The following BIRC6 variants were observed in gnomAD, a reference collection of about 807,000 sequenced individuals.
BIRC6 encodes the protein baculoviral IAP repeat containing 6, also known as dual E2 ubiquitin-conjugating enzyme/E3 ubiquitin-protein ligase BIRC6.
In BIRC6, 98 loss-of-function variants were observed where a neutral mutation model predicts 503.3. That is an observed-to-expected ratio of 0.19 (90% CI 0.17 to 0.23). BIRC6 has a LOEUF of 0.23. Among genes scored for constraint, BIRC6 ranks in the 10% least tolerant of loss-of-function variants. The pLI is 1.00. For missense variants in BIRC6, 5,360 were observed against 5,806.0 expected, an observed-to-expected ratio of 0.92 and a Z score of 2.50; for synonymous variants, 2,240 against 2,078.7, an observed-to-expected ratio of 1.08 and a Z score of -2.11.
intron 61 of BIRC6, among the ~76,000 whole-genome samples, chr2:32,539,832 A>C (rs546811601): frequency 5.3e-5 from 8 of 152,242 alleles, no homozygotes; most frequent in Non-Finnish European, 1.2e-4. Flanking sequence ...ATAAAACAAA[A>C]AAATCAAAGA....
chr2:32,403,055 C>T (rs1280600976), intron 8 of BIRC6, among the ~76,000 whole-genome samples: 1 of 152,036 alleles, frequency 6.6e-6, no homozygotes, highest in African/African-American at 2.4e-5. Flanking sequence ...AATCTAGGGT[C>T]GAAGGTCAAT....
chr2:32,537,178 C>T (rs768674547), intron 61 of BIRC6, among the ~76,000 whole-genome samples: 62 of 152,088 alleles, frequency 4.1e-4, no homozygotes, highest in African/African-American at 1.5e-3. Context: ...ATGGGGTTTT[C>T]TAGATATACA....
At chr2:32,517,920 A>G (rs1366439756) in intron 55 of BIRC6, among the ~76,000 whole-genome samples, 1 of 152,084 alleles carries the variant, frequency 6.6e-6, no homozygotes, top group Admixed American at 6.6e-5. Context: ...TTATTTTAAG[A>G]TAACCACACC....
intron 33 of BIRC6, among the ~76,000 whole-genome samples, chr2:32,474,044 C>T (rs2049428856): frequency 6.6e-6 from 1 of 152,000 alleles, no homozygotes; most frequent in African/African-American, 2.4e-5. Flanking sequence ...GTCTGAGCCA[C>T]TGTGTCCGGC....
At chr2:32,574,609 A>C (rs2060138806) in intron 65 of BIRC6, 1 of 159,038 alleles carries the variant, frequency 6.3e-6, no homozygotes, top group African/African-American at 2.4e-5. Context: ...GTGGATCATC[A>C]TAAAAGTCTT....
At chr2:32,601,950 A>G (rs1250424086) in intron 70 of BIRC6, among the ~76,000 whole-genome samples, 6 of 152,234 alleles carry the variant, frequency 3.9e-5, no homozygotes, top group African/African-American at 1.4e-4. Context: ...AATTAAATCA[A>G]GGTCTCTTCT....
chr2:32,448,754 G>T, intron 21 of BIRC6, 41 bp from the exon 22 acceptor site: 1 of 1,576,366 alleles, frequency 6.3e-7, no homozygotes, highest in Non-Finnish European at 8.6e-7. Context: ...TTAATTAGAT[G>T]GCTGAAAGGA....
chr2:32,391,975 TA>T, intron 4 of BIRC6, 63 bp from the exon 5 acceptor site: 1 of 1,111,084 alleles, frequency 9.0e-7, no homozygotes. Flanking sequence ...TTTGCATTGT[TA>T]AATAGAAGTT....
chr2:32,525,395 T>A, intron 58 of BIRC6, 69 bp from the exon 59 acceptor site: 1 of 1,541,448 alleles, frequency 6.5e-7, no homozygotes, highest in Non-Finnish European at 9.0e-7. Flanking sequence ...TTAAAATATT[T>A]TAGGAACACT....
Position 32,432,656 on chromosome 2 carries a change from A to G in BIRC6, c.3249-988A>G, listed in dbSNP as rs138170784. Among the ~76,000 whole-genome samples, 545 of 151,956 alleles carry G rather than the reference A, an allele frequency of 3.6e-3. 3 individuals carry two copies. The highest frequency in any genetic ancestry group is 0.012 in the African/African-American group (488 of 41,432). On this transcript the variant is annotated intron_variant, in intron 12 of 73. Transcript: ENST00000421745. ...GTGCCTGTGGTCCCAGATACTTGGG[A>G]AACTGAGGTGGGAGAATCACTTGAG...
At chr2:32,470,916 T>C in intron 31 of BIRC6, 98 bp from the exon 32 acceptor site, 1 of 1,257,530 alleles carries the variant, frequency 8.0e-7, no homozygotes, top group Non-Finnish European at 1.1e-6. Context: ...AGATATGTTT[T>C]GGATTTATAG....
intron 39 of BIRC6, 30 bp downstream of exon 39, chr2:32,482,612 T>A (rs779051946): frequency 3.1e-6 from 5 of 1,608,334 alleles, no homozygotes; most frequent in Non-Finnish European, 4.3e-6. Flanking sequence ...TTAAGACATA[T>A]GCTATTCTTA....
intron 1 of BIRC6, among the ~76,000 whole-genome samples, chr2:32,364,573 T>C (rs1046206370): frequency 3.9e-5 from 6 of 152,162 alleles, no homozygotes; most frequent in African/African-American, 1.4e-4. Context: ...CACTCCAGTT[T>C]TACATTTCTT....
At chr2:32,598,313 C>G (rs544084896) in intron 69 of BIRC6, among the ~76,000 whole-genome samples, 13 of 152,162 alleles carry the variant, frequency 8.5e-5, no homozygotes, top group African/African-American at 3.1e-4. Flanking sequence ...CATCCTTGAG[C>G]AAAGATTGTG....
At chr2:32,518,732 A>G in intron 56 of BIRC6, 85 bp from the exon 57 acceptor site, 1 of 1,420,556 alleles carries the variant, frequency 7.0e-7, no homozygotes, top group South Asian at 1.3e-5. Context: ...TGAGTATTTT[A>G]TTCTTAGATG....
chr2:32,612,590 G>GTC (rs1399149235), intron 73 of BIRC6, among the ~76,000 whole-genome samples: 2 of 152,156 alleles, frequency 1.3e-5, no homozygotes, highest in Non-Finnish European at 2.9e-5. Context: ...TTTTTAAAAA[G>GTC]ATCCCTATCT....
At chr2:32,380,831 A>C (rs139414993) in intron 3 of BIRC6, among the ~76,000 whole-genome samples, 316 of 152,270 alleles carry the variant, frequency 2.1e-3, no homozygotes, top group African/African-American at 7.2e-3. Context: ...TGCTTCCTTA[A>C]ATCTTTCTTA....
intron 12 of BIRC6, among the ~76,000 whole-genome samples, chr2:32,431,320 C>G (rs1045893577): frequency 3.4e-5 from 5 of 148,146 alleles, no homozygotes; most frequent in African/African-American, 1.2e-4. Context: ...CTCAGCCTCT[C>G]AAGTAGCTGG....
chr2:32,592,957 C>G (rs1410108085), intron 66 of BIRC6, among the ~76,000 whole-genome samples: 1 of 152,148 alleles, frequency 6.6e-6, no homozygotes, highest in Admixed American at 6.5e-5. Flanking sequence ...GCTCCATGAC[C>G]ACTTTGCGAG....
Sources: gnomAD v4.1 joint callset for allele counts (sites outside exome capture counted in the v4.1 genomes callset) on GRCh38, gnomAD v4.1.1 for gene constraint, MANE v1.5 for transcripts, NCBI Gene and HGNC (gene_info 2026-07-23, HGNC 2026-07-21) for gene names.